CEP250: variants seen among roughly 807,000 people sequenced by gnomAD.
CEP250 encodes the protein centrosome-associated protein CEP250.
In CEP250, 242 loss-of-function variants were observed where a neutral mutation model predicts 315.7. The ratio of observed to expected loss-of-function variants is 0.77; its 90% CI spans 0.69 to 0.85. The LOEUF (loss-of-function observed/expected upper bound fraction) is 0.85, where lower values mean the gene tolerates loss of function less well. Among genes scored for constraint, CEP250 ranks in the 40% least tolerant of loss-of-function variants. CEP250 has a pLI of 0.00. For synonymous variants in CEP250, 1,088 were observed against 1,175.0 expected (o/e 0.93, Z 1.51); for missense variants, 2,515 against 2,886.4 (o/e 0.87, Z 2.95).
Position 35,480,057 on chromosome 20 carries a change from T to C in CEP250, c.2498T>C (p.Leu833Pro). Residue 833 changes from leucine to proline, a missense_variant, in exon 20 of 35, where the codon CTG becomes CCG. Coordinates refer to ENST00000397527, the MANE Select transcript of CEP250 (RefSeq NM_007186.6). ...EQERDAAARQLAQAEQEGKTA... is the reference protein window; with the variant it reads ...EQERDAAARQPAQAEQEGKTA... ...GAGCGGGATGCTGCAGCCAGACAGC[T>C]GGCCCAGGCTGAGCAAGAAGGGAAG... 6.2e-7 allele frequency: 1 copy of C among 1,613,198 alleles called. No homozygotes were observed. Among genetic ancestry groups the C allele is most frequent in the Non-Finnish European group, 8.5e-7 (1 of 1,180,018 alleles).
rs1351189648 is a variant in CEP250, at chr20:35,513,108, T to C, written c.*1482T>C. On this transcript the variant is annotated 3_prime_UTR_variant, in exon 35 of 35. Coordinates refer to ENST00000397527, the MANE Select transcript of CEP250 (RefSeq NM_007186.6). The stretch of plus-strand genomic sequence containing the variant: ...GAGCTTTGTTCCAGAAACCTACACA[T>C]GCAGCTCAGCAACAGATGCTTAGTG... 6.6e-6 allele frequency: 1 copy of C among 152,190 alleles called. No homozygotes were observed. The highest frequency in any genetic ancestry group is 1.5e-5 in the Non-Finnish European group (1 of 68,046). The allele number at this position is 152,190 out of a possible 1,614,324, so 9.4% of individuals were successfully genotyped here. A position where few individuals can be genotyped will look rare whatever the true frequency, so the allele number is the denominator to read the frequency against.
chr20:35,456,234 G>C (rs1386775904), intron 1 of CEP250, among the ~76,000 whole-genome samples: 1 of 152,218 alleles, frequency 6.6e-6, no homozygotes, highest in African/African-American at 2.4e-5. Context: ...TATGGGGTGA[G>C]TTCTTTCTAT....
intron 22 of CEP250, among the ~76,000 whole-genome samples, chr20:35,492,742 G>C (rs2063732057): frequency 1.3e-5 from 2 of 152,138 alleles, no homozygotes; most frequent in African/African-American, 4.8e-5. Context: ...GTATGTATTT[G>C]TTTGAGACTG....
Position 35,502,382 on chromosome 20 carries a change from T to A in CEP250, c.4021-8T>A, listed in dbSNP as rs759462075. On this transcript the variant is annotated splice_region_variant and splice_polypyrimidine_tract_variant and intron_variant, in intron 29 of 34. Transcript: ENST00000397527. ...TAGTCTAAAGTGGCTTTTCATCTTG[T>A]CTTCTAGGGTGAGCGAGAGTTACTT... The A allele has an allele frequency of 6.0e-5, 96 of 1,598,974 alleles. 1 individual carries two copies. The highest frequency in any genetic ancestry group is 1.2e-4 in the Admixed American group (7 of 57,362).
chr20:35,472,174 T>C, intron 11 of CEP250, 23 bp downstream of exon 11: 8 of 1,434,088 alleles, frequency 5.6e-6, no homozygotes, highest in East Asian at 2.3e-5. Flanking sequence ...CTCCTGTTCA[T>C]GGTAACCAGG....
rs2064443845 is a variant in CEP250, at chr20:35,517,167, G to T, written c.*5541G>T. ...CTCTGGACCTATTCAGTCCTCAAGGGTGCCCTGCTAAAGGCTGGGCTGAAA... is the reference window on the plus strand; with the variant it reads ...CTCTGGACCTATTCAGTCCTCAAGGTTGCCCTGCTAAAGGCTGGGCTGAAA... On this transcript the variant is annotated 3_prime_UTR_variant, in exon 35 of 35. Transcript: ENST00000397527. 1 of 276,150 alleles carries T rather than the reference G, an allele frequency of 3.6e-6. No individual in the cohort carries two copies. The highest frequency in any genetic ancestry group is 5.5e-6 in the Non-Finnish European group (1 of 181,314). The allele number at this position is 276,150 out of a possible 1,614,324, so 17.1% of individuals were successfully genotyped here.
rs183944989 is a variant in CEP250, at chr20:35,500,297, C to G, written c.3898+128C>G. 425 of 1,165,416 alleles carry G rather than the reference C, an allele frequency of 3.6e-4. 1 individual carries two copies. In the African/African-American group the frequency reaches 5.6e-3, roughly 15 times the overall value. The allele number at this position is 1,165,416 out of a possible 1,614,324, so 72.2% of individuals were successfully genotyped here. A position where few individuals can be genotyped will look rare whatever the true frequency, so the allele number is the denominator to read the frequency against. On this transcript the variant is annotated intron_variant, in intron 28 of 34. Coordinates refer to ENST00000397527, the MANE Select transcript of CEP250 (RefSeq NM_007186.6). Reference sequence around the variant, plus strand: ...TTTATTTTTGAGACGACATCTCACTCTGTCACTCAGGTTTGAGTACAATGT... The same window carrying G: ...TTTATTTTTGAGACGACATCTCACTGTGTCACTCAGGTTTGAGTACAATGT...
At chr20:35,476,670 G>T (rs554285469) in intron 16 of CEP250, 75 bp downstream of exon 16, 7 of 1,318,812 alleles carry the variant, frequency 5.3e-6, no homozygotes, top group Non-Finnish European at 7.6e-6. Context: ...GCTCCCAAAT[G>T]TAGGTCTGAA....
intron 20 of CEP250, among the ~76,000 whole-genome samples, chr20:35,489,528 C>T (rs1327818486): frequency 6.6e-6 from 1 of 152,158 alleles, no homozygotes; most frequent in African/African-American, 2.4e-5. Flanking sequence ...GATGAAGAAA[C>T]TGAGGCACAG....
In CEP250 at chr20:35,501,964, C is replaced by A; in HGVS notation, c.4018C>A (p.Gln1340Lys). The A allele has an allele frequency of 6.2e-7, 1 of 1,611,696 alleles. No individual in the cohort carries two copies. Among genetic ancestry groups the A allele is most frequent in the Non-Finnish European group, 8.5e-7 (1 of 1,179,880 alleles). Residue 1340 changes from glutamine (Q) to lysine (K), a missense_variant and splice_region_variant, in exon 29 of 35, where the codon CAG (glutamine) becomes AAG (lysine). Physicochemically the swap from Gln to Lys is moderately conservative, Grantham distance 53. Transcript: ENST00000397527. ...RRAELQRMEA[Q>K]GERELLQAAK... The stretch of plus-strand genomic sequence containing the variant: ...AGCAGAGCTACAGCGAATGGAAGCC[C>A]AGGTAAAGTGGTACTGGTTTCAGGG...
At chr20:35,464,930 GA>G (rs1257666557) in intron 5 of CEP250, among the ~76,000 whole-genome samples, 1 of 151,700 alleles carries the variant, frequency 6.6e-6, no homozygotes, top group African/African-American at 2.4e-5. Flanking sequence ...AAAAAGAAAA[GA>G]AAAAAAGAAA....
In CEP250 at chr20:35,462,255, T is replaced by C. The variant is rs925203578; in HGVS notation, c.-103-10T>C. On this transcript the variant is annotated splice_polypyrimidine_tract_variant and intron_variant, in intron 3 of 34. Coordinates refer to ENST00000397527, the MANE Select transcript of CEP250 (RefSeq NM_007186.6). ...GTCCTTTCCATTTGACTATGTGCTT[T>C]GGTCCCCAGTTCAAGAGGAGGTTGA... 2.7e-6 allele frequency: 2 copies of C among 744,528 alleles called. No individual in the cohort carries two copies. Among genetic ancestry groups the C allele is most frequent in the Middle Eastern group, 4.0e-4 (1 of 2,520 alleles). 46.1% of individuals were successfully genotyped at this position (744,528 alleles called of 1,614,324 possible).
intron 17 of CEP250, among the ~76,000 whole-genome samples, chr20:35,478,410 C>G (rs976052849): frequency 6.6e-6 from 1 of 152,080 alleles, no homozygotes. Context: ...ACTAAAAATA[C>G]AAAAATTAGC....
chr20:35,495,899 AGAG>A (rs1482990082), intron 24 of CEP250, among the ~76,000 whole-genome samples: 2 of 152,150 alleles, frequency 1.3e-5, no homozygotes, highest in Non-Finnish European at 2.9e-5. Context: ...GTAGTGGGGA[AGAG>A]GAGGAGAGAA....
intron 33 of CEP250, 119 bp downstream of exon 33, chr20:35,509,163 C>A: frequency 1.3e-6 from 1 of 772,076 alleles, no homozygotes; most frequent in South Asian, 1.7e-5. Context: ...AGAGCCCCTC[C>A]TGACTGCATT....
At chr20:35,458,781 T>A (rs1601102335) in intron 2 of CEP250, among the ~76,000 whole-genome samples, 1 of 152,316 alleles carries the variant, frequency 6.6e-6, no homozygotes, top group East Asian at 1.9e-4. Context: ...TTCTCTTTTA[T>A]TCTTGTTTTA....
rs369624104 is a variant in CEP250 at position 35,475,515 on chromosome 20, A to G, written c.1585A>G (p.Met529Val). ...RERERLQEMLMGLEAKQSESL... is the reference protein window; with the variant it reads ...RERERLQEMLVGLEAKQSESL... ...TTCCCATCTTAGTCAGGAGATGCTGATGGGCCTGGAAGCCAAACAGTCAGA... is the reference window on the plus strand; with the variant it reads ...TTCCCATCTTAGTCAGGAGATGCTGGTGGGCCTGGAAGCCAAACAGTCAGA... The change falls in exon 15 of 35, where the codon ATG becomes GTG. Residue 529 changes from methionine (M) to valine (V), a missense_variant. Physicochemically the swap from Met to Val is conservative, Grantham distance 21. Coordinates refer to ENST00000397527, the MANE Select transcript of CEP250 (RefSeq NM_007186.6). 24 of 1,614,020 alleles carry G rather than the reference A, an allele frequency of 1.5e-5. No individual in the cohort carries two copies. Among genetic ancestry groups the G allele is most frequent in the Non-Finnish European group, 1.9e-5 (23 of 1,180,016 alleles).
rs1457726389 is a variant in CEP250, at chr20:35,491,200, A to G, written c.2755-12A>G. ...TGAGCCCACAAGCTGTTACCCCCCT[A>G]CCCCTCCACAGATGCAGCTGGAAAC... On this transcript the variant is annotated splice_polypyrimidine_tract_variant and intron_variant, in intron 21 of 34. Transcript: ENST00000397527. The G allele has an allele frequency of 7.5e-6, 12 of 1,610,136 alleles. No individual in the cohort carries two copies. Among genetic ancestry groups the G allele is most frequent in the African/African-American group, 1.3e-5 (1 of 74,674 alleles).
At chr20:35,474,083 C>G in intron 14 of CEP250, 31 bp downstream of exon 14, 1 of 1,475,590 alleles carries the variant, frequency 6.8e-7, no homozygotes, top group South Asian at 1.3e-5. Context: ...CCTCGCTGGG[C>G]CCTGGTCTTT....
Sources: allele counts gnomAD v4.1 joint callset (sites outside exome capture counted in the v4.1 genomes callset), GRCh38; gene constraint gnomAD v4.1.1; transcripts MANE v1.5; gene names NCBI Gene and HGNC (gene_info 2026-07-23, HGNC 2026-07-21).